The following FRY variants were observed in gnomAD, a reference collection of about 807,000 sequenced individuals.
FRY encodes the protein FRY microtubule binding protein, also known as protein furry homolog.
Under a neutral mutation model 348.4 loss-of-function variants are expected in FRY, and 128 were observed. The ratio of observed to expected loss-of-function variants is 0.37; its 90% CI spans 0.32 to 0.43. The LOEUF is 0.43. FRY is among the 20% of genes least tolerant of loss of function. FRY has a pLI of 1.00. For synonymous variants in FRY, 1,370 were observed against 1,374.7 expected, an observed-to-expected ratio of 1.00 and a Z score of 0.08; for missense variants, 2,736 against 3,695.2, an observed-to-expected ratio of 0.74 and a Z score of 6.73.
At chr13:32,241,932 A>G (rs915801982) in intron 46 of FRY, among the ~76,000 whole-genome samples, 2 of 152,214 alleles carry the variant, frequency 1.3e-5, no homozygotes, top group African/African-American at 4.8e-5. Flanking sequence ...GGCTATGCAC[A>G]TACATATAAT....
rs1453616251 is a variant in FRY, at chr13:32,236,129, T to C, written c.5767T>C (p.Ser1923Pro). Residue 1923 changes from serine (S) to proline (P), a missense_variant, in exon 43 of 61, where the codon TCT (serine) becomes CCT (proline). By Grantham distance (74) the Ser-to-Pro change is moderately conservative (BLOSUM62 -1). Around this residue, in one of 9 missense-constraint regions of FRY, gnomAD observed 794 missense variants for 977.0 expected, o/e 0.81. Coordinates refer to ENST00000542859, the MANE Select transcript of FRY (RefSeq NM_023037.3). The part of the protein sequence containing the change: ...LTLEAAVDNL[S>P]DCLKNSDLLT... ...CTTGGAGGCGGCTGTGGATAACTTG[T>C]CTGACTGCTTGAAGAACAGTGACCT... is the stretch of plus-strand genomic sequence containing the variant. 3 of 1,613,938 alleles carry C rather than the reference T, an allele frequency of 1.9e-6. No individual in the cohort carries two copies. Among genetic ancestry groups the C allele is most frequent in the Non-Finnish European group, 2.5e-6 (3 of 1,179,954 alleles).
intron 34 of FRY, 25 bp from the exon 35 acceptor site, chr13:32,212,267 G>T: frequency 7.1e-7 from 1 of 1,411,144 alleles, no homozygotes; most frequent in South Asian, 1.2e-5. Flanking sequence ...TTTTATAAGT[G>T]TTTTTCTTCC....
Position 32,175,552 on chromosome 13 carries a change from G to A in FRY, c.2341G>A (p.Asp781Asn), listed in dbSNP as rs749362530. 1.2e-5 allele frequency: 19 copies of A among 1,607,046 alleles called. No homozygotes were observed. Among genetic ancestry groups the A allele is most frequent in the East Asian group, 2.2e-5 (1 of 44,830 alleles). The change falls in exon 20 of 61, where the codon GAC (aspartate) becomes AAC (asparagine). Residue 781 changes from aspartate to asparagine, a missense_variant. Around this residue, in one of 9 missense-constraint regions of FRY, gnomAD observed 449 missense variants for 576.9 expected, o/e 0.78. Coordinates refer to ENST00000542859, the MANE Select transcript of FRY (RefSeq NM_023037.3). ...FIALGQPEDD[D>N]RPMIDVMDQL... ...TCGCCTCCCCTTTGTACAGGATGAC[G>A]ACAGGCCGATGATTGATGTCATGGA...
chr13:32,124,295 A>G lies in FRY; in HGVS notation c.474A>G (p.Gln158=), dbSNP rs1162458190. The change falls in exon 5 of 61, where the codon CAA becomes CAG. Residue 158 remains glutamine, a synonymous_variant. Transcript: ENST00000542859. ...RTSNKSKSDE[Q]QRDYLMERRD... is the part of the protein sequence containing the mutation. Reference sequence around the variant, plus strand: ...ATTTTAAATTTTACAGCGATGAACAACAGCGAGATTATTTAATGGAAAGAC... The same window carrying G: ...ATTTTAAATTTTACAGCGATGAACAGCAGCGAGATTATTTAATGGAAAGAC... 6.3e-7 allele frequency: 1 copy of G among 1,582,466 alleles called. No homozygotes were observed. Among genetic ancestry groups the G allele is most frequent in the Non-Finnish European group, 8.7e-7 (1 of 1,151,114 alleles).
Position 32,147,962 on chromosome 13 carries a change from TC to T in FRY, c.1392+17del, listed in dbSNP as rs1457034008. On this transcript the variant is annotated intron_variant, in intron 13 of 60. Transcript: ENST00000542859. ...TCATTGCCCAGGTAATGGAGAAGAT[TC>T]CGGTGGTGGGAATCTTCTGATGGTT... 1 of 1,381,822 alleles carries T rather than the reference TC, an allele frequency of 7.2e-7. No individual in the cohort carries two copies. The highest frequency in any genetic ancestry group is 1.0e-6 in the Non-Finnish European group (1 of 967,766). The allele number at this position is 1,381,822 out of a possible 1,614,324, so 85.6% of individuals were successfully genotyped here.
At chr13:32,095,191 T>C (rs1368848388) in intron 2 of FRY, among the ~76,000 whole-genome samples, 2 of 30,264 alleles carry the variant, frequency 6.6e-5, no homozygotes, top group Non-Finnish European at 2.8e-4. Flanking sequence ...TTTGATCGGA[T>C]GATTAGATTT....
chr13:32,268,494 A>AT (rs1888029445), intron 55 of FRY, among the ~76,000 whole-genome samples: 2 of 19,010 alleles, frequency 1.1e-4, no homozygotes, highest in African/African-American at 2.6e-4. Flanking sequence ...TTTAAAAAAA[A>AT]AAAAAAAAAA....
intron 31 of FRY, 72 bp downstream of exon 31, chr13:32,202,599 T>A (rs1566129481): frequency 3.2e-6 from 4 of 1,237,670 alleles, no homozygotes. Flanking sequence ...TTTCTAATAA[T>A]GACATGTGAT....
chr13:32,271,470 C>T (rs1888198858), intron 55 of FRY, among the ~76,000 whole-genome samples: 1 of 152,186 alleles, frequency 6.6e-6, no homozygotes, highest in South Asian at 2.1e-4. Flanking sequence ...TGGTCATTGG[C>T]ATGTTCTTTG....
intron 3 of FRY, among the ~76,000 whole-genome samples, chr13:32,109,163 A>ACC (rs1460691389): frequency 6.6e-6 from 1 of 152,200 alleles, no homozygotes; most frequent in Non-Finnish European, 1.5e-5. Flanking sequence ...AAAAGGATAA[A>ACC]CATTGGTTGA....
chr13:32,244,173 A>C lies in FRY; in HGVS notation c.6819A>C (p.Lys2273Asn). ...FNVEVLKTIEKYVQSVHWREA... is the reference protein window; with the variant it reads ...FNVEVLKTIENYVQSVHWREA... ...TGGAAGTTCTGAAGACAATTGAAAAATATGTGCAAGTGAGTACTTGGATAA... is the reference window on the plus strand; with the variant it reads ...TGGAAGTTCTGAAGACAATTGAAAACTATGTGCAAGTGAGTACTTGGATAA... Residue 2273 changes from lysine to asparagine, a missense_variant, in exon 47 of 61, where the codon AAA becomes AAC. Physicochemically the swap from Lys to Asn is moderately conservative, Grantham distance 94. Coordinates refer to ENST00000542859, the MANE Select transcript of FRY (RefSeq NM_023037.3). 6.2e-7 allele frequency: 1 copy of C among 1,613,676 alleles called. No individual in the cohort carries two copies. The highest frequency in any genetic ancestry group is 8.5e-7 in the Non-Finnish European group (1 of 1,179,628).
chr13:32,199,017 C>A (rs936685853), intron 29 of FRY, among the ~76,000 whole-genome samples: 1 of 152,074 alleles, frequency 6.6e-6, no homozygotes, highest in African/African-American at 2.4e-5. Context: ...TCTATCAATG[C>A]GTGTCAAAAG....
Position 32,258,336 on chromosome 13 carries a change from G to A in FRY, c.7417-3280G>A, listed in dbSNP as rs1408954962. ...TTCTTGTATTAAAACTGAAATCACCGGGTACCATGGCTCCCACCTGTAATC... is the reference window on the plus strand; with the variant it reads ...TTCTTGTATTAAAACTGAAATCACCAGGTACCATGGCTCCCACCTGTAATC... On this transcript the variant is annotated intron_variant, in intron 51 of 60. Transcript: ENST00000542859. Among the ~76,000 whole-genome samples, 6 of 152,108 alleles carry A rather than the reference G, an allele frequency of 3.9e-5. 1 individual carries two copies. The highest frequency in any genetic ancestry group is 1.2e-4 in the African/African-American group (5 of 41,402).
intron 1 of FRY, among the ~76,000 whole-genome samples, chr13:32,067,527 A>G (rs779075071): frequency 2.0e-5 from 3 of 152,198 alleles, no homozygotes; most frequent in Admixed American, 6.5e-5. Flanking sequence ...CTCTGTAGAG[A>G]GGATAGATGA....
chr13:32,190,782 T>G (rs1883292600), intron 28 of FRY, among the ~76,000 whole-genome samples: 1 of 152,138 alleles, frequency 6.6e-6, no homozygotes, highest in Non-Finnish European at 1.5e-5. Context: ...ACAATGCAAT[T>G]CCAGTCAAAA....
At chr13:32,185,260 G>A in intron 26 of FRY, 112 bp downstream of exon 26, 1 of 899,726 alleles carries the variant, frequency 1.1e-6, no homozygotes, top group Admixed American at 1.8e-5. Context: ...GTCTGGGATG[G>A]TGAAGTTTAT....
At chr13:32,231,378 C>A in intron 41 of FRY, 78 bp downstream of exon 41, 2 of 1,440,450 alleles carry the variant, frequency 1.4e-6, no homozygotes, top group Non-Finnish European at 1.9e-6. Flanking sequence ...ATGATTACAG[C>A]GCCTTAAAAC....
At chr13:32,218,174 A>G (rs1229454604) in intron 35 of FRY, among the ~76,000 whole-genome samples, 1 of 152,242 alleles carries the variant, frequency 6.6e-6, no homozygotes, top group Non-Finnish European at 1.5e-5. Context: ...TCCAAAGCAA[A>G]TGTTACCATT....
chr13:32,191,423 C>A (rs1490404035), intron 28 of FRY, among the ~76,000 whole-genome samples: 2 of 151,846 alleles, frequency 1.3e-5, no homozygotes, highest in African/African-American at 4.8e-5. Flanking sequence ...ATAAAGGACC[C>A]CTACAAATAA....
Sources: allele counts gnomAD v4.1 joint callset (sites outside exome capture counted in the v4.1 genomes callset), GRCh38; gene constraint gnomAD v4.1.1; regional missense constraint gnomAD v4.1.1; transcripts MANE v1.5; gene names NCBI Gene and HGNC (gene_info 2026-07-23, HGNC 2026-07-21).